The following RIPOR3 variants were observed in gnomAD, a reference collection of about 807,000 sequenced individuals.
The protein encoded by RIPOR3 is family with sequence similarity 65 member C.
Under a neutral mutation model 114.3 loss-of-function variants are expected in RIPOR3, and 95 were observed. The ratio of observed to expected loss-of-function variants is 0.83; its 90% CI spans 0.70 to 0.99. The LOEUF (loss-of-function observed/expected upper bound fraction) is 0.99. Ranked by LOEUF, RIPOR3 falls within the 50% of genes least tolerant of loss-of-function variation. The probability of loss-of-function intolerance (pLI) is 0.00; values close to 1 mark genes in which losing one functional copy is unlikely to be tolerated. For missense variants in RIPOR3, 1,252 were observed against 1,266.9 expected (o/e 0.99, Z 0.18); for synonymous variants, 575 against 543.8 (o/e 1.06, Z -0.80).
intron 1 of RIPOR3, 39 bp downstream of exon 1, chr20:50,691,087 C>T (rs761739393): frequency 2.3e-6 from 3 of 1,289,368 alleles, no homozygotes; most frequent in South Asian, 2.5e-5. Flanking sequence ...CACAAGGCGG[C>T]GTCACGGCAC....
At chr20:50,653,379 T>C (rs773389141) in intron 1 of RIPOR3, among the ~76,000 whole-genome samples, 5 of 151,942 alleles carry the variant, frequency 3.3e-5, no homozygotes, top group Non-Finnish European at 7.4e-5. Context: ...ATTTAGATAG[T>C]GGTGATGGTT....
intron 1 of RIPOR3, among the ~76,000 whole-genome samples, chr20:50,677,911 G>C (rs941742953): frequency 7.0e-6 from 1 of 142,396 alleles, no homozygotes; most frequent in South Asian, 2.3e-4. Context: ...CTCAACTGAT[G>C]CACCTGTCCC....
intron 1 of RIPOR3, among the ~76,000 whole-genome samples, chr20:50,660,803 A>G (rs563462152): frequency 3.8e-4 from 48 of 125,674 alleles, no homozygotes; most frequent in Admixed American, 3.2e-3. Flanking sequence ...CACCCAGGCT[A>G]GAGTGTAGTG....
chr20:50,634,773 C>T (rs2084927312), intron 1 of RIPOR3, among the ~76,000 whole-genome samples: 1 of 152,238 alleles, frequency 6.6e-6, no homozygotes, highest in South Asian at 2.1e-4. Flanking sequence ...TGGCTCACAC[C>T]TGTAATCCCA....
At chr20:50,650,598 C>T (rs769404153) in intron 1 of RIPOR3, among the ~76,000 whole-genome samples, 2 of 152,194 alleles carry the variant, frequency 1.3e-5, no homozygotes, top group Non-Finnish European at 2.9e-5. Context: ...GACACCACAT[C>T]CAACCTCAAC....
chr20:50,587,846 A>C lies in RIPOR3; in HGVS notation c.2708T>G (p.Leu903Arg). 1 of 1,614,156 alleles carries C rather than the reference A, an allele frequency of 6.2e-7. No individual in the cohort carries two copies. ...CCGGGCTGCCGCCCGCACGGCCTCC[A>C]GGTCAGACTGGCACAGGCTGGCAGT... ...DQTASLCQSD[L>R]EAVRAAARET... The change falls in exon 21 of 22, where the codon CTG (leucine) becomes CGG (arginine). Residue 903 changes from leucine to arginine, a missense_variant. Physicochemically the swap from Leu to Arg is moderately radical, Grantham distance 102 (BLOSUM62 -2). Coordinates refer to ENST00000327979, the MANE Select transcript of RIPOR3 (RefSeq NM_001290268.2).
chr20:50,649,946 C>T (rs1262320924), intron 1 of RIPOR3, among the ~76,000 whole-genome samples: 1 of 152,200 alleles, frequency 6.6e-6, no homozygotes, highest in African/African-American at 2.4e-5. Flanking sequence ...CTGTACTCCC[C>T]TCATGGGTGA....
intron 4 of RIPOR3, among the ~76,000 whole-genome samples, chr20:50,612,139 A>G (rs935366502): frequency 7.2e-5 from 11 of 151,756 alleles, no homozygotes; most frequent in Non-Finnish European, 1.3e-4. Flanking sequence ...AAAAAAAAAA[A>G]AGAAAAAAAG....
chr20:50,674,987 AG>A (rs2086637884), intron 1 of RIPOR3, among the ~76,000 whole-genome samples: 1 of 152,160 alleles, frequency 6.6e-6, no homozygotes, highest in African/African-American at 2.4e-5. Context: ...CCATGGTGGG[AG>A]GATTGCTTGA....
At chr20:50,592,303 C>G (rs377369968) in intron 19 of RIPOR3, 41 bp downstream of exon 19, 4 of 1,500,652 alleles carry the variant, frequency 2.7e-6, no homozygotes, top group Non-Finnish European at 3.6e-6. Context: ...TATGCCCACA[C>G]ATCTGTGGCC....
At chr20:50,659,511 G>A (rs559078415) in intron 1 of RIPOR3, among the ~76,000 whole-genome samples, 1 of 151,920 alleles carries the variant, frequency 6.6e-6, no homozygotes, top group East Asian at 1.9e-4. Context: ...GCCAGGCGTG[G>A]TGGCAGGCAC....
chr20:50,628,413 C>A lies in RIPOR3; in HGVS notation c.122+2325G>T, dbSNP rs78053169. On this transcript the variant is annotated intron_variant, in intron 2 of 21. Transcript: ENST00000327979. ...CCTGACTGCTGTCACGCATGCCAGC[C>A]GCACACCTGCTTTCTGTCCCTTAAA... Among the ~76,000 whole-genome samples the A allele has an allele frequency of 2.9e-3, 446 of 152,262 alleles. 4 individuals are homozygous for A. The highest frequency in any genetic ancestry group is 5.1e-3 in the Non-Finnish European group (346 of 68,010).
Position 50,593,169 on chromosome 20 carries a change from A to G in RIPOR3, c.2240T>C (p.Val747Ala), listed in dbSNP as rs747878618. 1.2e-6 allele frequency: 2 copies of G among 1,613,394 alleles called. No individual in the cohort carries two copies. The highest frequency in any genetic ancestry group is 1.7e-6 in the Non-Finnish European group (2 of 1,180,008). ...IACRRLLEQV[V>A]SCGGLLPGAG... ...TCCGGGGAGCAGCCCACCACAGCTG[A>G]CCACCTGCTCCAGGAGCCTGCGGCA... is the stretch of plus-strand genomic sequence containing the variant. The change falls in exon 18 of 22, where the codon GTC (valine) becomes GCC (alanine). Residue 747 changes from valine (V) to alanine (A), a missense_variant. Transcript: ENST00000327979.
At position 50,602,489 on chromosome 20, in the gene RIPOR3, G is replaced by T. The variant is rs987997210; in HGVS notation, c.1242C>A (p.Asp414Glu). The change falls in exon 13 of 22, where the codon GAC (aspartate) becomes GAA (glutamate). Residue 414 changes from aspartate (D) to glutamate (E), a missense_variant. Asp to Glu is a conservative substitution (Grantham distance 45). Coordinates refer to ENST00000327979, the MANE Select transcript of RIPOR3 (RefSeq NM_001290268.2). The surrounding 1 kb of genome is among the most constrained non-coding windows in gnomAD (Gnocchi z 4.3). ...ACGTGCTGGTCTCCGTGTCTCGGGG[G>T]TCCTCAGAGCTGAAGGAGTCCATCT... is the stretch of plus-strand genomic sequence containing the variant. The part of the protein sequence containing the change: ...LPEMDSFSSE[D>E]PRDTETSTSA... 6 of 1,561,814 alleles carry T rather than the reference G, an allele frequency of 3.8e-6. No individual in the cohort carries two copies. The highest frequency in any genetic ancestry group is 1.2e-5 in the South Asian group (1 of 85,878).
intron 1 of RIPOR3, among the ~76,000 whole-genome samples, chr20:50,670,178 AAAG>A (rs1394730386): frequency 6.6e-6 from 1 of 151,672 alleles, no homozygotes; most frequent in Non-Finnish European, 1.5e-5. Flanking sequence ...AAAAAAAAAA[AAAG>A]AAGAGGGCGC....
rs576211682 is a variant in RIPOR3, at chr20:50,610,626, GTCCCACCTCAGGGCTGAGCCCCCTGAC to G, written c.426+200_426+226del. ...AAAGAGCCCACACAGTCCTCAGGGA[GTCCCACCTCAGGGCTGAGCCCCCTGAC>G]TCCCACCTCAGGGCTGAGCCCCTGC... On this transcript the variant is annotated intron_variant, in intron 6 of 21. Transcript: ENST00000327979. Among the ~76,000 whole-genome samples the G allele has an allele frequency of 1.2e-4, 18 of 152,236 alleles. No individual in the cohort carries two copies. The South Asian group carries it at 1.9e-3, about 16-fold the overall frequency.
chr20:50,638,221 C>G (rs1479632143), intron 1 of RIPOR3, among the ~76,000 whole-genome samples: 1 of 152,182 alleles, frequency 6.6e-6, no homozygotes, highest in South Asian at 2.1e-4. Context: ...AATGAGTGCC[C>G]TGATTTGTGA....
chr20:50,690,228 G>A (rs1049989390), intron 1 of RIPOR3, among the ~76,000 whole-genome samples: 2 of 152,342 alleles, frequency 1.3e-5, no homozygotes, highest in African/African-American at 4.8e-5. Context: ...TTTCTGCAAA[G>A]GCAAAATAAA....
chr20:50,604,896 T>C (rs1202520255), intron 11 of RIPOR3, 122 bp from the exon 12 acceptor site: 2 of 1,213,408 alleles, frequency 1.6e-6, no homozygotes, highest in African/African-American at 1.6e-5. Flanking sequence ...TACAATAGCA[T>C]GGATGGTGTG....
Sources: allele counts gnomAD v4.1 joint callset (sites outside exome capture counted in the v4.1 genomes callset), GRCh38; gene constraint gnomAD v4.1.1; non-coding constraint Gnocchi (gnomAD v3.1); transcripts MANE v1.5; gene names NCBI Gene and HGNC (gene_info 2026-07-23, HGNC 2026-07-21).